The following SLC35F2 variants were observed in gnomAD, a reference collection of about 807,000 sequenced individuals.
The protein encoded by SLC35F2 is queuine/queuosine transporter SLC35F2.
SLC35F2 carries 25 observed loss-of-function variants against 38.1 expected under a neutral mutation model. The ratio of observed to expected loss-of-function variants is 0.66; its 90% CI spans 0.48 to 0.92. The LOEUF (loss-of-function observed/expected upper bound fraction) is 0.92. Among genes scored for constraint, SLC35F2 ranks in the 40% least tolerant of loss-of-function variants. The pLI is 0.00. For missense variants in SLC35F2, 409 were observed against 452.9 expected (o/e 0.90, Z 0.88); for synonymous variants, 173 against 181.7 (o/e 0.95, Z 0.38).
chr11:107,825,247 C>A (rs1463872838), intron 1 of SLC35F2, among the ~76,000 whole-genome samples: 1 of 152,046 alleles, frequency 6.6e-6, no homozygotes, highest in Non-Finnish European at 1.5e-5. Flanking sequence ...ATAACACAGC[C>A]CTAGCCTGGT....
At chr11:107,806,632 G>T in intron 4 of SLC35F2, 85 bp downstream of exon 4, 1 of 1,295,446 alleles carries the variant, frequency 7.7e-7, no homozygotes, top group Non-Finnish European at 1.1e-6. Flanking sequence ...AAATACTCCA[G>T]TAAACAAGTT....
At position 107,792,677 on chromosome 11, in the gene SLC35F2, T is replaced by C. The variant is rs376383076; in HGVS notation, c.1063A>G (p.Ile355Val). ...TCCAGCTTCAGCCCCAGGTTGTCAA[T>C]CCCAATGCTGGTGACTGGAGGCACG... ...SSVPPVTSIGIDNLGLKLEEN... is the reference protein window; with the variant it reads ...SSVPPVTSIGVDNLGLKLEEN... The change falls in exon 8 of 8, where the codon ATT becomes GTT. Residue 355 changes from isoleucine to valine, a missense_variant. Coordinates refer to ENST00000525815, the MANE Select transcript of SLC35F2 (RefSeq NM_017515.5). 56 of 1,613,784 alleles carry C rather than the reference T, an allele frequency of 3.5e-5. No homozygotes were observed. The East Asian group carries it at 6.0e-4, about 17-fold the overall frequency.
At chr11:107,819,097 G>C (rs898951356) in intron 1 of SLC35F2, among the ~76,000 whole-genome samples, 3 of 152,158 alleles carry the variant, frequency 2.0e-5, no homozygotes, top group African/African-American at 7.2e-5. Context: ...GCATTCTGCT[G>C]GGAGCAGGAA....
At chr11:107,848,140 T>C (rs1350829743) in intron 1 of SLC35F2, among the ~76,000 whole-genome samples, 1 of 152,148 alleles carries the variant, frequency 6.6e-6, no homozygotes, top group African/African-American at 2.4e-5. Context: ...TTGCACAGTA[T>C]TACAAATGTA....
intron 3 of SLC35F2, chr11:107,811,335 G>T: frequency 1.3e-6 from 1 of 771,912 alleles, no homozygotes; most frequent in Non-Finnish European, 1.6e-6. Flanking sequence ...TAGAACAAAG[G>T]TATACTTTCA....
intron 1 of SLC35F2, among the ~76,000 whole-genome samples, chr11:107,833,776 C>G (rs1352167834): frequency 6.6e-6 from 1 of 152,148 alleles, no homozygotes; most frequent in East Asian, 1.9e-4. Flanking sequence ...AAAATTCTCT[C>G]GGCCCCAAGG....
At chr11:107,858,604 G>T (rs1860336209) in intron 1 of SLC35F2, 54 bp downstream of exon 1, 1 of 1,242,940 alleles carries the variant, frequency 8.0e-7, no homozygotes, top group Non-Finnish European at 1.0e-6. Context: ...TGCGCGCAGG[G>T]CCCGCAGCCG....
In SLC35F2 at chr11:107,792,593, A is replaced by G; in HGVS notation, c.*22T>C. ...AGGCTCTGCTTTATCCTGGTGGGGG[A>G]TGGGTGCGCCATCTTCTCCAGCTAC... On this transcript the variant is annotated 3_prime_UTR_variant, in exon 8 of 8. Transcript: ENST00000525815. The G allele has an allele frequency of 6.3e-7, 1 of 1,580,102 alleles. No homozygotes were observed. The highest frequency in any genetic ancestry group is 1.8e-5 in the Admixed American group (1 of 56,120).
At chr11:107,843,964 A>G in intron 1 of SLC35F2, among the ~76,000 whole-genome samples, 1 of 146,474 alleles carries the variant, frequency 6.8e-6, no homozygotes, top group Non-Finnish European at 1.5e-5. Context: ...TAGGCCAGTG[A>G]TTATGATTAA....
chr11:107,805,934 CTG>C (rs1171492678), intron 4 of SLC35F2, among the ~76,000 whole-genome samples: 1 of 152,202 alleles, frequency 6.6e-6, no homozygotes, highest in Non-Finnish European at 1.5e-5. Context: ...GTGCGAGCGA[CTG>C]TGCCTGGCCT....
intron 1 of SLC35F2, chr11:107,823,268 A>T (rs1859703843): frequency 4.2e-6 from 4 of 963,610 alleles, no homozygotes; most frequent in Non-Finnish European, 4.9e-6. Context: ...TTTATTTGAA[A>T]AAAAGGAGTT....
At chr11:107,851,394 C>T (rs550396480) in intron 1 of SLC35F2, among the ~76,000 whole-genome samples, 111 of 149,800 alleles carry the variant, frequency 7.4e-4, no homozygotes, top group Middle Eastern at 3.4e-3. Flanking sequence ...ACCCCGGAGA[C>T]GGAGGTTGCA....
intron 1 of SLC35F2, among the ~76,000 whole-genome samples, chr11:107,849,367 G>A (rs139940509): frequency 4.0e-4 from 61 of 152,190 alleles, no homozygotes; most frequent in African/African-American, 1.3e-3. Context: ...GGCCAGGTGC[G>A]GTGGCTCACG....
At chr11:107,844,561 G>T (rs934211467) in intron 1 of SLC35F2, among the ~76,000 whole-genome samples, 15 of 151,740 alleles carry the variant, frequency 9.9e-5, no homozygotes, top group Admixed American at 3.3e-4. Context: ...GGCGGAAGTT[G>T]CAGTGAACTG....
chr11:107,812,332 G>A (rs1199766795), intron 2 of SLC35F2, among the ~76,000 whole-genome samples: 1 of 152,124 alleles, frequency 6.6e-6, no homozygotes, highest in Non-Finnish European at 1.5e-5. Flanking sequence ...CAGAGACCAA[G>A]TGTTCAATAA....
chr11:107,824,097 A>G (rs1217837507), intron 1 of SLC35F2: 6 of 735,118 alleles, frequency 8.2e-6, no homozygotes, highest in Non-Finnish European at 1.0e-5. Context: ...GTAGCTTGCA[A>G]TTGTGAAGAA....
chr11:107,799,090 A>G (rs550577251), intron 7 of SLC35F2, among the ~76,000 whole-genome samples: 31 of 152,210 alleles, frequency 2.0e-4, no homozygotes, highest in African/African-American at 7.0e-4. Context: ...AAAACAAACT[A>G]CTTCTAAAGT....
chr11:107,847,602 G>T (rs1039623459), intron 1 of SLC35F2, among the ~76,000 whole-genome samples: 4 of 152,066 alleles, frequency 2.6e-5, no homozygotes, highest in African/African-American at 9.7e-5. Context: ...CCTTAAAAAG[G>T]CACTCTCCCA....
chr11:107,840,933 C>T (rs1449681085), intron 1 of SLC35F2, among the ~76,000 whole-genome samples: 1 of 152,078 alleles, frequency 6.6e-6, no homozygotes, highest in Non-Finnish European at 1.5e-5. Context: ...GAAGCGGAGG[C>T]GGCGAGGAGA....
Sources: allele counts gnomAD v4.1 joint callset (sites outside exome capture counted in the v4.1 genomes callset), GRCh38; gene constraint gnomAD v4.1.1; transcripts MANE v1.5; gene names NCBI Gene and HGNC (gene_info 2026-07-23, HGNC 2026-07-21).